The following PRDM6 variants were observed in gnomAD, a reference collection of about 807,000 sequenced individuals.
PRDM6 encodes the protein PR/SET domain 6, also known as putative histone-lysine N-methyltransferase PRDM6.
Under a neutral mutation model 60.8 loss-of-function variants are expected in PRDM6, and 25 were observed. The observed-to-expected ratio is 0.41, with a 90% CI of 0.30 to 0.57. PRDM6 has a LOEUF of 0.57. Ranked by LOEUF, PRDM6 falls within the 20% of genes least tolerant of loss-of-function variation. PRDM6 has a pLI of 0.27. For synonymous variants in PRDM6, 407 were observed against 357.4 expected, an observed-to-expected ratio of 1.14 and a Z score of -1.57; for missense variants, 839 against 821.3, an observed-to-expected ratio of 1.02 and a Z score of -0.26.
chr5:123,134,491 G>C (rs1764906748), intron 3 of PRDM6, among the ~76,000 whole-genome samples: 1 of 152,078 alleles, frequency 6.6e-6, no homozygotes, highest in African/African-American at 2.4e-5. Context: ...GATATAAGAA[G>C]ATAGATTTGG....
chr5:123,109,803 A>G (rs1393632153), intron 3 of PRDM6, among the ~76,000 whole-genome samples: 2 of 152,208 alleles, frequency 1.3e-5, no homozygotes, highest in Admixed American at 1.3e-4. Flanking sequence ...CCAACTTGCA[A>G]GATGAAAATG....
At position 123,186,322 on chromosome 5, in the gene PRDM6, G is replaced by A. The variant is rs76018561; in HGVS notation, c.1674-765G>A. ...AGGTTGTTTGGAAGATATGGACATG[G>A]GAGATAGGGAGGAACTCAAAGTCTC... On this transcript the variant is annotated intron_variant, in intron 7 of 7. Coordinates refer to ENST00000407847, the MANE Select transcript of PRDM6 (RefSeq NM_001136239.4). 7.2e-3 allele frequency among the ~76,000 whole-genome samples: 1,101 copies of A among 152,290 alleles called. 13 individuals carry two copies. Among genetic ancestry groups the A allele is most frequent in the African/African-American group, 0.024 (994 of 41,566 alleles).
Position 123,178,054 on chromosome 5 carries a change from A to G in PRDM6, c.1497-2093A>G, listed in dbSNP as rs1766056527. Among the ~76,000 whole-genome samples the G allele has an allele frequency of 2.6e-5, 4 of 152,112 alleles. No individual in the cohort carries two copies. The South Asian group carries it at 8.3e-4, about 32-fold the overall frequency. On this transcript the variant is annotated intron_variant, in intron 6 of 7. Transcript: ENST00000407847. ...TTTGCCTTCCATTGGCGTTACTTTGATATAAGAATTCAACATAAGCCTCTC... is the reference window on the plus strand; with the variant it reads ...TTTGCCTTCCATTGGCGTTACTTTGGTATAAGAATTCAACATAAGCCTCTC...
At chr5:123,109,641 A>T (rs1291241950) in intron 3 of PRDM6, among the ~76,000 whole-genome samples, 1 of 151,942 alleles carries the variant, frequency 6.6e-6, no homozygotes, top group East Asian at 1.9e-4. Context: ...CATGGATGTT[A>T]AAAAAAACCC....
At chr5:123,179,176 A>T (rs1042911813) in intron 6 of PRDM6, among the ~76,000 whole-genome samples, 5 of 152,238 alleles carry the variant, frequency 3.3e-5, no homozygotes, top group Non-Finnish European at 7.3e-5. Flanking sequence ...ATTTTAATCT[A>T]TTTTATGAAA....
chr5:123,151,540 G>C (rs1281351739), intron 3 of PRDM6, among the ~76,000 whole-genome samples: 2 of 152,162 alleles, frequency 1.3e-5, no homozygotes, highest in Admixed American at 6.5e-5. Context: ...TCATGGACTA[G>C]TCGTCTCACT....
In PRDM6 at chr5:123,189,577, C is replaced by T. The variant is rs918882168; in HGVS notation, c.*2376C>T. The T allele has an allele frequency of 6.6e-6, 1 of 152,200 alleles. No individual in the cohort carries two copies. Among genetic ancestry groups the T allele is most frequent in the Non-Finnish European group, 1.5e-5 (1 of 68,038 alleles). 9.4% of individuals were successfully genotyped at this position (152,200 alleles called of 1,614,324 possible). A position where few individuals can be genotyped will look rare whatever the true frequency, so the allele number is the denominator to read the frequency against. ...CTGAATGTGGCAGTAACCTGTACTC[C>T]AAAACACTCTTCTAGTGTTCTGCTC... On this transcript the variant is annotated 3_prime_UTR_variant, in exon 8 of 8. Coordinates refer to ENST00000407847, the MANE Select transcript of PRDM6 (RefSeq NM_001136239.4).
intron 3 of PRDM6, among the ~76,000 whole-genome samples, chr5:123,141,441 AG>A (rs1765098525): frequency 6.6e-6 from 1 of 152,074 alleles, no homozygotes. Context: ...ACAGAAAAAA[AG>A]GTTTTTATTT....
intron 3 of PRDM6, among the ~76,000 whole-genome samples, chr5:123,133,435 C>G (rs946016806): frequency 1.3e-5 from 2 of 151,924 alleles, no homozygotes; most frequent in Non-Finnish European, 2.9e-5. Flanking sequence ...GCTTATTACA[C>G]ATTCCTGAAA....
chr5:123,110,280 T>A (rs1764280943), intron 3 of PRDM6, among the ~76,000 whole-genome samples: 1 of 150,368 alleles, frequency 6.7e-6, no homozygotes, highest in Non-Finnish European at 1.5e-5. Flanking sequence ...TTCCTTTTTT[T>A]TTTTTTTTTT....
intron 3 of PRDM6, among the ~76,000 whole-genome samples, chr5:123,144,293 C>T (rs1294911017): frequency 6.6e-6 from 1 of 152,230 alleles, no homozygotes; most frequent in African/African-American, 2.4e-5. Flanking sequence ...GCCAGCTGCT[C>T]TCCCCCATAG....
chr5:123,139,928 A>T (rs776300910), intron 3 of PRDM6, among the ~76,000 whole-genome samples: 4 of 152,116 alleles, frequency 2.6e-5, no homozygotes, highest in Non-Finnish European at 5.9e-5. Context: ...TCTGTTTGAT[A>T]TAAATGTTTT....
At chr5:123,141,862 A>C (rs889498998) in intron 3 of PRDM6, among the ~76,000 whole-genome samples, 6 of 152,152 alleles carry the variant, frequency 3.9e-5, no homozygotes, top group African/African-American at 1.4e-4. Context: ...GAAACTCTGT[A>C]ATATGTCATC....
At chr5:123,166,269 C>A (rs1408465933) in intron 5 of PRDM6, among the ~76,000 whole-genome samples, 1 of 152,188 alleles carries the variant, frequency 6.6e-6, no homozygotes, top group Non-Finnish European at 1.5e-5. Flanking sequence ...TATGGCAAAG[C>A]TGCCGATATT....
At chr5:123,094,422 G>A (rs1204456659) in intron 2 of PRDM6, among the ~76,000 whole-genome samples, 1 of 127,666 alleles carries the variant, frequency 7.8e-6, no homozygotes, top group East Asian at 2.0e-4. Context: ...CAGTGCGTGG[G>A]CTTTTGTGTT....
In PRDM6 at chr5:123,099,436, A is replaced by C. The variant is rs558009912; in HGVS notation, c.593-218A>C. Among the ~76,000 whole-genome samples, 1 of 152,282 alleles carries C rather than the reference A, an allele frequency of 6.6e-6. No individual in the cohort carries two copies. Among genetic ancestry groups the C allele is most frequent in the South Asian group, 2.1e-4 (1 of 4,824 alleles). ...GAGCCTAGAGTCCTGGCCCGGTACC[A>C]GGCAGATCTGGGTGCGGCGAATTCC... On this transcript the variant is annotated intron_variant, in intron 2 of 7. Transcript: ENST00000407847. This position sits in a 1 kb window ranked among gnomAD's most constrained non-coding sequence, Gnocchi z 4.0.
chr5:123,178,419 AC>A (rs1249085975), intron 6 of PRDM6, among the ~76,000 whole-genome samples: 3 of 152,152 alleles, frequency 2.0e-5, no homozygotes, highest in African/African-American at 4.8e-5. Context: ...TTTTTCAGGA[AC>A]CCTTTCAAGT....
At chr5:123,177,665 A>C (rs922702495) in intron 6 of PRDM6, among the ~76,000 whole-genome samples, 7 of 152,330 alleles carry the variant, frequency 4.6e-5, no homozygotes, top group African/African-American at 1.7e-4. Flanking sequence ...ACTTGTAGAC[A>C]TGATGGAGAA....
chr5:123,166,511 T>TA (rs1415120881), intron 5 of PRDM6, among the ~76,000 whole-genome samples: 1 of 152,230 alleles, frequency 6.6e-6, no homozygotes, highest in African/African-American at 2.4e-5. Flanking sequence ...AATGGTGACT[T>TA]ACGATTATAA....
Sources: allele counts gnomAD v4.1 joint callset (sites outside exome capture counted in the v4.1 genomes callset), GRCh38; gene constraint gnomAD v4.1.1; non-coding constraint Gnocchi (gnomAD v3.1); transcripts MANE v1.5; gene names NCBI Gene and HGNC (gene_info 2026-07-23, HGNC 2026-07-21).